PTPRK: variants seen among roughly 807,000 people sequenced by gnomAD.
PTPRK encodes protein tyrosine phosphatase receptor type K.
Under a neutral mutation model 178.0 loss-of-function variants are expected in PTPRK, and 75 were observed. The observed-to-expected ratio is 0.42, with a 90% confidence interval of 0.35 to 0.51. The LOEUF is 0.51. Ranked by LOEUF, PTPRK falls within the 20% of genes least tolerant of loss-of-function variation. The pLI is 0.02. For synonymous variants in PTPRK, 637 were observed against 620.6 expected, an observed-to-expected ratio of 1.03 and a Z score of -0.39; for missense variants, 1,441 against 1,797.8, an observed-to-expected ratio of 0.80 and a Z score of 3.59.
At chr6:127,986,105 C>T (rs1775945605) in intron 21 of PTPRK, among the ~76,000 whole-genome samples, 1 of 152,092 alleles carries the variant, frequency 6.6e-6, no homozygotes, top group Non-Finnish European at 1.5e-5. Context: ...ATAAGTCTTG[C>T]TCAGTTCTAA....
chr6:128,237,638 T>C (rs1270243894), intron 5 of PTPRK, among the ~76,000 whole-genome samples: 1 of 152,166 alleles, frequency 6.6e-6, no homozygotes, highest in East Asian at 1.9e-4. Context: ...AACACATAAA[T>C]GAAATCTCTA....
chr6:128,055,002 C>T (rs1249303512), intron 13 of PTPRK, among the ~76,000 whole-genome samples: 3 of 152,108 alleles, frequency 2.0e-5, no homozygotes, highest in Non-Finnish European at 4.4e-5. Flanking sequence ...AATTAAACCC[C>T]TGAGTTGTTT....
intron 3 of PTPRK, among the ~76,000 whole-genome samples, chr6:128,272,513 A>T (rs1820006550): frequency 1.3e-5 from 2 of 151,792 alleles, no homozygotes; most frequent in South Asian, 4.1e-4. Flanking sequence ...AATTTACAAG[A>T]AAAAATCAAA....
At position 128,198,474 on chromosome 6, in the gene PTPRK, G is replaced by A. The variant is rs376740775; in HGVS notation, c.869-13749C>T. Reference sequence around the variant, plus strand: ...ACATTATACACCATGGCCTGTTGTGGGGGTAGGGGGCTAGGGGAGGGATAG... The same window carrying A: ...ACATTATACACCATGGCCTGTTGTGAGGGTAGGGGGCTAGGGGAGGGATAG... On this transcript the variant is annotated intron_variant, in intron 6 of 29. Transcript: ENST00000368226. Among the ~76,000 whole-genome samples, 418 of 152,190 alleles carry A rather than the reference G, an allele frequency of 2.7e-3. 2 individuals carry two copies. Among genetic ancestry groups the A allele is most frequent in the African/African-American group, 9.4e-3 (389 of 41,536 alleles).
intron 2 of PTPRK, among the ~76,000 whole-genome samples, chr6:128,338,024 C>T: frequency 6.6e-6 from 1 of 152,088 alleles, no homozygotes; most frequent in East Asian, 1.9e-4. Flanking sequence ...CCAAGCAGGA[C>T]TTGCAGGCAA....
chr6:128,258,412 G>A (rs1447919854), intron 3 of PTPRK, among the ~76,000 whole-genome samples: 2 of 152,144 alleles, frequency 1.3e-5, no homozygotes, highest in African/African-American at 2.4e-5. Context: ...TTCCTGAAGT[G>A]CTCATGCTAA....
rs1310828423 is a variant in PTPRK, at chr6:128,338,157, A to G, written c.224-15847T>C. Among the ~76,000 whole-genome samples, 4 of 152,302 alleles carry G rather than the reference A, an allele frequency of 2.6e-5. No homozygotes were observed. The East Asian group carries it at 7.7e-4, about 29-fold the overall frequency. On this transcript the variant is annotated intron_variant, in intron 2 of 29. Transcript: ENST00000368226. ...ATTCTGGCAAATAACTCTGGCCACA[A>G]TGTATAAAACATATGAGTGATAGGG...
In PTPRK at chr6:128,293,535, T is replaced by C. The variant is rs537564017; in HGVS notation, c.495+28504A>G. Reference sequence around the variant, plus strand: ...AACCATAGCAATAGTGATCCTCTACTGCAGACCTCCATAAACCTTTACTCC... The same window carrying C: ...AACCATAGCAATAGTGATCCTCTACCGCAGACCTCCATAAACCTTTACTCC... On this transcript the variant is annotated intron_variant, in intron 3 of 29. Transcript: ENST00000368226. 5.3e-5 allele frequency among the ~76,000 whole-genome samples: 8 copies of C among 152,230 alleles called. No homozygotes were observed. In the South Asian group the frequency reaches 1.5e-3, roughly 28 times the overall value.
intron 13 of PTPRK, among the ~76,000 whole-genome samples, chr6:128,027,113 T>C (rs1057159293): frequency 2.6e-5 from 4 of 152,202 alleles, no homozygotes; most frequent in African/African-American, 9.6e-5. Flanking sequence ...CCCCATAATG[T>C]ACATACCTAA....
At chr6:128,352,952 C>T (rs1465698956) in intron 2 of PTPRK, among the ~76,000 whole-genome samples, 3 of 151,892 alleles carry the variant, frequency 2.0e-5, no homozygotes, top group African/African-American at 7.3e-5. Context: ...CAAATGTATA[C>T]AGAAATGAGG....
intron 3 of PTPRK, among the ~76,000 whole-genome samples, chr6:128,257,336 T>C (rs1181351941): frequency 6.6e-6 from 1 of 152,108 alleles, no homozygotes; most frequent in East Asian, 1.9e-4. Context: ...TTTATTTTAT[T>C]TTTGAAGGTG....
intron 3 of PTPRK, among the ~76,000 whole-genome samples, chr6:128,297,395 T>C (rs934426335): frequency 8.5e-5 from 13 of 152,092 alleles, no homozygotes; most frequent in African/African-American, 2.9e-4. Context: ...TCTACAGATC[T>C]CTCCACCCCA....
chr6:128,112,385 T>C (rs1278870052), intron 7 of PTPRK, among the ~76,000 whole-genome samples: 1 of 152,058 alleles, frequency 6.6e-6, no homozygotes, highest in Non-Finnish European at 1.5e-5. Context: ...TGGAAAGACA[T>C]TAAAAAGAAA....
chr6:128,148,782 AT>A (rs1796853299), intron 7 of PTPRK, among the ~76,000 whole-genome samples: 1 of 152,130 alleles, frequency 6.6e-6, no homozygotes, highest in African/African-American at 2.4e-5. Flanking sequence ...AAATACAAAA[AT>A]AAAAAAAATT....
intron 1 of PTPRK, among the ~76,000 whole-genome samples, chr6:128,410,193 T>C (rs1467159523): frequency 6.6e-6 from 1 of 152,192 alleles, no homozygotes; most frequent in Non-Finnish European, 1.5e-5. Context: ...ATTGTATTTG[T>C]CTAAGATTCT....
chr6:128,117,662 T>C (rs1240843687), intron 7 of PTPRK, among the ~76,000 whole-genome samples: 1 of 151,376 alleles, frequency 6.6e-6, no homozygotes, highest in African/African-American at 2.5e-5. Flanking sequence ...ATATTATTTA[T>C]GTATTTATGA....
chr6:128,191,598 G>C (rs1337222623), intron 6 of PTPRK, among the ~76,000 whole-genome samples: 4 of 151,930 alleles, frequency 2.6e-5, no homozygotes, highest in Non-Finnish European at 4.4e-5. Flanking sequence ...TAAATGGTGA[G>C]ATGATAAATA....
chr6:128,187,249 C>T (rs945166702), intron 6 of PTPRK, among the ~76,000 whole-genome samples: 4 of 151,614 alleles, frequency 2.6e-5, no homozygotes, highest in South Asian at 2.1e-4. Flanking sequence ...ATAGCCATAC[C>T]GCAACATAAG....
In PTPRK at chr6:127,985,758, T is replaced by C; in HGVS notation, c.3214A>G (p.Asn1072Asp). 6.2e-7 allele frequency: 1 copy of C among 1,613,972 alleles called. No individual in the cohort carries two copies. ...LSFIRRVKLS[N>D]PPSAGPIVVH... is the part of the protein sequence containing the mutation. ...ACGATGGGGCCAGCACTGGGAGGGT[T>C]TGATAACTTGACTCGCCGGATAAAG... Residue 1072 changes from asparagine (N) to aspartate (D), a missense_variant, in exon 22 of 30, where the codon AAC becomes GAC. Physicochemically the swap from Asn to Asp is conservative, Grantham distance 23. Coordinates refer to ENST00000368226, the MANE Select transcript of PTPRK (RefSeq NM_002844.4).
Sources: gnomAD v4.1 joint callset for allele counts (sites outside exome capture counted in the v4.1 genomes callset) on GRCh38, gnomAD v4.1.1 for gene constraint, MANE v1.5 for transcripts, NCBI Gene and HGNC (gene_info 2026-07-23, HGNC 2026-07-21) for gene names.